The following RGS3 variants were observed in gnomAD, a reference collection of about 807,000 sequenced individuals.
The protein encoded by RGS3 is regulator of G-protein signalling 3.
RGS3 carries 80 observed loss-of-function variants against 132.6 expected under a neutral mutation model. The ratio of observed to expected loss-of-function variants is 0.60; its 90% CI spans 0.50 to 0.73. RGS3 has a LOEUF of 0.73. Among genes scored for constraint, RGS3 ranks in the 30% least tolerant of loss-of-function variants. RGS3 has a pLI of 0.00. For synonymous variants in RGS3, 598 were observed against 620.6 expected (o/e 0.96, Z 0.54); for missense variants, 1,382 against 1,530.8 (o/e 0.90, Z 1.62).
At chr9:113,519,429 A>G (rs1360341522) in intron 16 of RGS3, among the ~76,000 whole-genome samples, 2 of 152,086 alleles carry the variant, frequency 1.3e-5, no homozygotes, top group Non-Finnish European at 2.9e-5. Flanking sequence ...CAAGTAAAAT[A>G]AATATTAATG....
intron 19 of RGS3, among the ~76,000 whole-genome samples, chr9:113,538,271 G>T (rs1832761458): frequency 6.6e-6 from 1 of 152,190 alleles, no homozygotes; most frequent in Non-Finnish European, 1.5e-5. Flanking sequence ...GCACTGGCTG[G>T]TTGCCACTGT....
At chr9:113,510,082 A>C (rs1588177355) in intron 14 of RGS3, among the ~76,000 whole-genome samples, 1 of 147,978 alleles carries the variant, frequency 6.8e-6, no homozygotes, top group African/African-American at 2.5e-5. Flanking sequence ...TTTATCTCTC[A>C]CCCCCCTCCC....
rs1234409222 is a variant in RGS3 at position 113,583,656 on chromosome 9, CT to C, written c.2245del (p.Ser749LeufsTer86). On this transcript the variant is annotated frameshift_variant, in exon 20 of 25. Transcript: ENST00000350696. LOFTEE classifies it high-confidence loss of function. ...CACTGTCCAGCAAAGACTCAGCTAC[CT>C]CTGAAGGATCCCCTCCAGGCCCAGA... 6.2e-7 allele frequency: 1 copy of C among 1,614,144 alleles called. No individual in the cohort carries two copies. Among genetic ancestry groups the C allele is most frequent in the East Asian group, 2.2e-5 (1 of 44,886 alleles).
intron 19 of RGS3, chr9:113,581,988 G>GGGCTCCA (rs1834841149): frequency 1.0e-6 from 1 of 981,356 alleles, no homozygotes; most frequent in South Asian, 4.7e-5. Flanking sequence ...CTGCTCTGCA[G>GGGCTCCA]GGCTCCACTT....
At chr9:113,556,985 C>G (rs138144147) in intron 19 of RGS3, among the ~76,000 whole-genome samples, 1 of 152,336 alleles carries the variant, frequency 6.6e-6, no homozygotes, top group Non-Finnish European at 1.5e-5. Flanking sequence ...TGCGATGACT[C>G]TTCTTATAGA....
chr9:113,549,094 C>G (rs1833227063), intron 19 of RGS3, among the ~76,000 whole-genome samples: 1 of 152,202 alleles, frequency 6.6e-6, no homozygotes, highest in South Asian at 2.1e-4. Flanking sequence ...CTCAGTGGCT[C>G]AGGACCTTTC....
chr9:113,522,776 A>C, intron 16 of RGS3, 154 bp from the exon 15 acceptor site: 1 of 683,372 alleles, frequency 1.5e-6, no homozygotes, highest in African/African-American at 1.8e-5. Flanking sequence ...CCCTTGGCTG[A>C]GGCTGTACTG....
chr9:113,549,837 T>C (rs1279438911), intron 19 of RGS3, among the ~76,000 whole-genome samples: 2 of 152,232 alleles, frequency 1.3e-5, no homozygotes, highest in Non-Finnish European at 2.9e-5. Flanking sequence ...CTTCAGTTGT[T>C]TATCATTCAG....
intron 22 of RGS3, 147 bp from the exon 21 acceptor site, chr9:113,594,772 A>C: frequency 3.9e-6 from 3 of 764,094 alleles, no homozygotes; most frequent in Non-Finnish European, 6.4e-6. Flanking sequence ...GCCCCGGGAA[A>C]GAGGGTGGGC....
At chr9:113,536,248 G>A (rs1275347700) in intron 18 of RGS3, among the ~76,000 whole-genome samples, 1 of 152,224 alleles carries the variant, frequency 6.6e-6, no homozygotes, top group African/African-American at 2.4e-5. Context: ...AGGGCCACAT[G>A]ACTCTGCCCG....
chr9:113,529,402 G>T lies in RGS3; in HGVS notation c.1914+138G>T, dbSNP rs550089584. The T allele has an allele frequency of 1.4e-5, 11 of 758,982 alleles. No homozygotes were observed. The East Asian group carries it at 2.8e-4, about 20-fold the overall frequency. The allele number at this position is 758,982 out of a possible 1,614,324, so 47.0% of individuals were successfully genotyped here. ...TGCCGAAGTCCTGGGCAAGGCCAGA[G>T]TAGCGGTTTTTTGCTAGGTAGAATG... On this transcript the variant is annotated intron_variant, in intron 18 of 24. Coordinates refer to ENST00000350696, the Ensembl canonical transcript of RGS3.
intron 7 of RGS3, among the ~76,000 whole-genome samples, chr9:113,486,401 G>A (rs558971923): frequency 2.6e-5 from 4 of 152,368 alleles, no homozygotes; most frequent in East Asian, 1.9e-4. Context: ...AGGTAAGGGA[G>A]TATAGAAGTT....
chr9:113,529,927 T>G (rs12353541), intron 18 of RGS3, among the ~76,000 whole-genome samples: 1 of 152,170 alleles, frequency 6.6e-6, no homozygotes, highest in Non-Finnish European at 1.5e-5. Context: ...AAAATATCAT[T>G]AAGGCTGGGG....
At chr9:113,553,389 G>A (rs1401974894) in intron 19 of RGS3, among the ~76,000 whole-genome samples, 2 of 132,874 alleles carry the variant, frequency 1.5e-5, no homozygotes, top group Non-Finnish European at 3.1e-5. Flanking sequence ...GCTGCAGTGA[G>A]CTGTGATCAC....
intron 21 of RGS3, 43 bp from the exon 20 acceptor site, chr9:113,594,387 G>A (rs1288685388): frequency 1.2e-6 from 2 of 1,607,942 alleles, no homozygotes; most frequent in Non-Finnish European, 1.7e-6. Flanking sequence ...GCAGGGGCGA[G>A]TGGGCCAGGC....
At chr9:113,481,632 C>T (rs1830160437) in intron 4 of RGS3, among the ~76,000 whole-genome samples, 1 of 152,220 alleles carries the variant, frequency 6.6e-6, no homozygotes, top group Non-Finnish European at 1.5e-5. Context: ...GCTTTGGCTT[C>T]ACCCCAGTCT....
At chr9:113,549,867 T>A (rs911680232) in intron 19 of RGS3, among the ~76,000 whole-genome samples, 2 of 152,236 alleles carry the variant, frequency 1.3e-5, no homozygotes, top group South Asian at 4.1e-4. Flanking sequence ...AATTTTTCTT[T>A]GTTACAAAAA....
intron 1 of RGS3, among the ~76,000 whole-genome samples, chr9:113,448,322 C>T (rs1342373018): frequency 6.6e-6 from 1 of 152,132 alleles, no homozygotes; most frequent in Non-Finnish European, 1.5e-5. Flanking sequence ...GGCTTCTCTC[C>T]CCCCAGCCCC....
intron 17 of RGS3, among the ~76,000 whole-genome samples, chr9:113,527,282 T>C (rs1309845733): frequency 6.6e-6 from 1 of 152,238 alleles, no homozygotes; most frequent in African/African-American, 2.4e-5. Flanking sequence ...CTCTCCCTTC[T>C]AGAACCTTCT....
Sources: allele counts gnomAD v4.1 joint callset (sites outside exome capture counted in the v4.1 genomes callset), GRCh38; gene constraint gnomAD v4.1.1; transcripts MANE v1.5; gene names NCBI Gene and HGNC (gene_info 2026-07-23, HGNC 2026-07-21).